EFCAB3: variants seen among roughly 807,000 people sequenced by gnomAD.
The protein encoded by EFCAB3 is EF-hand calcium binding domain 3.
A neutral mutation model predicts 42.2 loss-of-function variants in EFCAB3; 36 were observed. The ratio of observed to expected loss-of-function variants is 0.85; its 90% CI spans 0.65 to 1.13. The LOEUF is 1.13. Among genes scored for constraint, EFCAB3 ranks in the 50% most tolerant of loss-of-function variants. The pLI is 0.00. For missense variants in EFCAB3, 418 were observed against 505.1 expected, an observed-to-expected ratio of 0.83 and a Z score of 1.65; for synonymous variants, 170 against 172.8, an observed-to-expected ratio of 0.98 and a Z score of 0.13.
rs771336500 is a variant in EFCAB3 at position 62,393,589 on chromosome 17, C to T, written c.312C>T (p.Asn104=). 2.5e-6 allele frequency: 4 copies of T among 1,613,828 alleles called. No homozygotes were observed. In the Admixed American group the frequency reaches 6.7e-5, roughly 27 times the overall value. ...TTGTTGCAGGAGATGGGAAGGTGAA[C>T]TTCTCAGACTTTATCAAGGTTCTAA... ...CADIDRDGKV[N]FSDFIKVLTD... is the part of the protein sequence containing the mutation. Residue 104 remains asparagine, a synonymous_variant, in exon 5 of 10, where the codon AAC becomes AAT. Transcript: ENST00000305286.
chr17:62,397,821 G>A (rs369775484), intron 6 of EFCAB3: 5 of 306,780 alleles, frequency 1.6e-5, no homozygotes, highest in East Asian at 9.1e-5. Context: ...TCAGGAGTTC[G>A]AGACCAGCCT....
chr17:62,398,079 C>T (rs181391675), intron 6 of EFCAB3: 20 of 305,292 alleles, frequency 6.6e-5, no homozygotes, highest in African/African-American at 1.6e-4. Context: ...TTAAGGTTGT[C>T]AAAGTGCCCA....
upstream of EFCAB3, among the ~76,000 whole-genome samples, chr17:62,380,101 A>C (rs2070183882): frequency 6.6e-6 from 1 of 152,186 alleles, no homozygotes; most frequent in African/African-American, 2.4e-5. Flanking sequence ...TCCCAAGTTC[A>C]AGCAATTCTC....
At chr17:62,392,862 C>T (rs1459900574) in intron 4 of EFCAB3, among the ~76,000 whole-genome samples, 2 of 152,102 alleles carry the variant, frequency 1.3e-5, no homozygotes, top group Non-Finnish European at 2.9e-5. Flanking sequence ...TGGTCTCGAT[C>T]TCCTGACTTC....
chr17:62,398,659 C>T (rs1319235788), intron 6 of EFCAB3, among the ~76,000 whole-genome samples: 2 of 151,538 alleles, frequency 1.3e-5, no homozygotes, highest in Admixed American at 1.3e-4. Context: ...CAAAGTGAGA[C>T]CCTGTCTCAA....
rs1471344122 is a variant in EFCAB3, at chr17:62,383,072, A to G, written c.74+19A>G. The G allele has an allele frequency of 6.3e-7, 1 of 1,580,218 alleles. No individual in the cohort carries two copies. Among genetic ancestry groups the G allele is most frequent in the Middle Eastern group, 1.7e-4 (1 of 5,964 alleles). On this transcript the variant is annotated intron_variant, in intron 2 of 9. Coordinates refer to ENST00000305286, the MANE Select transcript of EFCAB3 (RefSeq NM_173503.4). ...ATAAAAGGTAGGTAATGAATGATTA[A>G]GGGTGATAAATGTATTATGATAAAG...
Position 62,397,725 on chromosome 17 carries a change from G to A in EFCAB3, c.488+2537G>A, listed in dbSNP as rs150251255. 1.5e-3 allele frequency: 722 copies of A among 494,580 alleles called. 7 individuals carry two copies. The highest frequency in any genetic ancestry group is 0.013 in the African/African-American group (674 of 50,930). 30.6% of individuals were successfully genotyped at this position (494,580 alleles called of 1,614,324 possible). Reference sequence around the variant, plus strand: ...GATAAAGTTCTTGTTGCTGGATTTGGTTAAAAAGGTCATGCTGGGCCGAGC... The same window carrying A: ...GATAAAGTTCTTGTTGCTGGATTTGATTAAAAAGGTCATGCTGGGCCGAGC... On this transcript the variant is annotated intron_variant, in intron 6 of 9. Transcript: ENST00000305286.
intron 2 of EFCAB3, among the ~76,000 whole-genome samples, chr17:62,385,112 TA>T (rs1259864269): frequency 6.6e-6 from 1 of 152,084 alleles, no homozygotes; most frequent in African/African-American, 2.4e-5. Flanking sequence ...GTACAATAAA[TA>T]TAAAATAACC....
upstream of EFCAB3, among the ~76,000 whole-genome samples, chr17:62,377,679 T>A (rs1455693382): frequency 6.6e-6 from 1 of 152,196 alleles, no homozygotes; most frequent in African/African-American, 2.4e-5. Context: ...TCCTCCTGAA[T>A]CAACAGATTT....
chr17:62,384,417 C>T (rs1397348351), intron 2 of EFCAB3, among the ~76,000 whole-genome samples: 1 of 152,124 alleles, frequency 6.6e-6, no homozygotes, highest in Non-Finnish European at 1.5e-5. Context: ...GGGTGGATCA[C>T]TTGAGCCTAG....
intron 6 of EFCAB3, chr17:62,397,641 G>T (rs758569290): frequency 1.2e-5 from 7 of 601,362 alleles, no homozygotes; most frequent in South Asian, 8.5e-5. Context: ...ATCAAGAATA[G>T]CAAGAAAATC....
intron 4 of EFCAB3, among the ~76,000 whole-genome samples, chr17:62,392,635 A>C (rs1242952844): frequency 5.3e-5 from 8 of 151,986 alleles, no homozygotes; most frequent in African/African-American, 1.9e-4. Context: ...AAGCATACAG[A>C]TAATGTTTTT....
At chr17:62,383,255 C>T (rs2070219775) in intron 2 of EFCAB3, 2 of 457,566 alleles carry the variant, frequency 4.4e-6, no homozygotes, top group African/African-American at 2.1e-5. Flanking sequence ...GTGGGCGGAT[C>T]ATGAGGTCAA....
At chr17:62,398,783 C>T (rs997925629) in intron 6 of EFCAB3, among the ~76,000 whole-genome samples, 2 of 151,798 alleles carry the variant, frequency 1.3e-5, no homozygotes, top group African/African-American at 2.4e-5. Flanking sequence ...AATAAATATA[C>T]GGAAGTAACA....
intron 1 of EFCAB3, among the ~76,000 whole-genome samples, chr17:62,371,973 A>G (rs943935891): frequency 6.6e-6 from 1 of 152,202 alleles, no homozygotes; most frequent in Non-Finnish European, 1.5e-5. Context: ...TTGAATTTAA[A>G]AGAGTATATT....
intron 2 of EFCAB3, among the ~76,000 whole-genome samples, chr17:62,374,923 G>A (rs2144045957): frequency 6.6e-6 from 1 of 152,150 alleles, no homozygotes; most frequent in African/African-American, 2.4e-5. Flanking sequence ...GAGCAGCCTG[G>A]GCAATATGAC....
At chr17:62,384,364 G>A (rs57199692) in intron 2 of EFCAB3, among the ~76,000 whole-genome samples, 3,455 of 152,126 alleles carry the variant, frequency 0.023, 136 homozygotes, top group African/African-American at 0.078. Flanking sequence ...GGCCTAGCAC[G>A]GTGGCTCACA....
intron 1 of EFCAB3, among the ~76,000 whole-genome samples, chr17:62,371,744 T>A (rs982692593): frequency 1.3e-5 from 2 of 152,098 alleles, no homozygotes; most frequent in African/African-American, 4.8e-5. Flanking sequence ...GGAGGGGGAA[T>A]TTGGGGTTGT....
chr17:62,377,823 A>AAAG (rs10668948), upstream of EFCAB3: 131,840 of 629,550 alleles, frequency 0.21, 16,474 homozygotes, highest in African/African-American at 0.46. Flanking sequence ...AAACAATATG[A>AAAG]AAGATGGATA....
Sources: gnomAD v4.1 joint callset for allele counts (sites outside exome capture counted in the v4.1 genomes callset) on GRCh38, gnomAD v4.1.1 for gene constraint, MANE v1.5 for transcripts, NCBI Gene and HGNC (gene_info 2026-07-23, HGNC 2026-07-21) for gene names.